The following CERS3 variants were observed in gnomAD, a reference collection of about 807,000 sequenced individuals.
CERS3 encodes LAG1 homolog, ceramide synthase 3.
CERS3 carries 33 observed loss-of-function variants against 50.3 expected under a neutral mutation model. That is an observed-to-expected ratio of 0.66 (90% CI 0.50 to 0.88). The LOEUF (loss-of-function observed/expected upper bound fraction) is 0.88. CERS3 is among the 40% of genes least tolerant of loss of function. The probability of loss-of-function intolerance (pLI) is 0.00; values close to 1 mark genes in which losing one functional copy is unlikely to be tolerated. For missense variants in CERS3, 470 were observed against 460.3 expected (o/e 1.02, Z -0.19); for synonymous variants, 176 against 155.2 (o/e 1.13, Z -0.99).
At chr15:100,467,015 G>A (rs554339564) in intron 10 of CERS3, among the ~76,000 whole-genome samples, 17 of 151,480 alleles carry the variant, frequency 1.1e-4, no homozygotes, top group African/African-American at 2.9e-4. Flanking sequence ...CACCACACCC[G>A]GCTAATTTTT....
chr15:100,464,303 C>G (rs1235713107), intron 10 of CERS3, among the ~76,000 whole-genome samples: 16 of 152,224 alleles, frequency 1.1e-4, no homozygotes, highest in Admixed American at 1.0e-3. Context: ...CCACATGAAA[C>G]AGGGTTAGAC....
chr15:100,527,894 C>A (rs1293584688), intron 1 of CERS3, among the ~76,000 whole-genome samples: 1 of 117,952 alleles, frequency 8.5e-6, no homozygotes, highest in Non-Finnish European at 1.9e-5. Flanking sequence ...AACTTTTTAT[C>A]CAGAAATTCT....
rs760594142 is a variant in CERS3, at chr15:100,483,787, A to ATTATT, written c.407+762_407+763insAATAA. Among the ~76,000 whole-genome samples, 134 of 100,014 alleles carry ATTATT rather than the reference A, an allele frequency of 1.3e-3. 4 individuals are homozygous for ATTATT. Among genetic ancestry groups the ATTATT allele is most frequent in the African/African-American group, 5.0e-3 (131 of 26,122 alleles). 65.6% of individuals were successfully genotyped at this position (100,014 alleles called of 152,430 possible). On this transcript the variant is annotated intron_variant, in intron 5 of 11. Coordinates refer to ENST00000679737, the MANE Select transcript of CERS3 (RefSeq NM_001378789.1). ...AATAATAATAATAATTATTATTATTATTTTTTTTTTTGAGACAGAGTCTTG... is the reference window on the plus strand; with the variant it reads ...AATAATAATAATAATTATTATTATTATTATTTTTTTTTTTTTGAGACAGAGTCTTG...
intron 11 of CERS3, among the ~76,000 whole-genome samples, chr15:100,447,135 A>T (rs895120164): frequency 2.0e-5 from 3 of 152,136 alleles, no homozygotes; most frequent in Non-Finnish European, 4.4e-5. Context: ...GATCCAGGAG[A>T]GAATGAATTA....
chr15:100,533,024 C>T (rs11247220), upstream of CERS3, among the ~76,000 whole-genome samples: 3 of 151,718 alleles, frequency 2.0e-5, no homozygotes, highest in African/African-American at 4.8e-5. Context: ...TTCCCTTCCC[C>T]GCTCCACTCC....
intron 11 of CERS3, among the ~76,000 whole-genome samples, chr15:100,445,675 C>A (rs1322246241): frequency 6.6e-6 from 1 of 152,194 alleles, no homozygotes. Flanking sequence ...CGCCCCTAAT[C>A]CCACTCGAAG....
chr15:100,447,201 C>T lies in CERS3; in HGVS notation c.999+8692G>A, dbSNP rs932635433. ...AGCACTGAAGTCAGCTACCTGGAGGCTCATCAGCATAATAAAACCTTGGTC... is the reference window on the plus strand; with the variant it reads ...AGCACTGAAGTCAGCTACCTGGAGGTTCATCAGCATAATAAAACCTTGGTC... On this transcript the variant is annotated intron_variant, in intron 11 of 11. Transcript: ENST00000679737. Among the ~76,000 whole-genome samples the T allele has an allele frequency of 5.9e-5, 9 of 152,250 alleles. No homozygotes were observed. The East Asian group carries it at 1.5e-3, about 26-fold the overall frequency.
intron 10 of CERS3, among the ~76,000 whole-genome samples, chr15:100,456,740 A>T (rs951099595): frequency 6.6e-6 from 1 of 152,168 alleles, no homozygotes; most frequent in Non-Finnish European, 1.5e-5. Context: ...TGAGGTCAGG[A>T]GTTTGAGACC....
intron 9 of CERS3, among the ~76,000 whole-genome samples, chr15:100,469,760 C>A (rs1211810301): frequency 6.6e-6 from 1 of 152,070 alleles, no homozygotes. Context: ...CCTGTAATAC[C>A]ACTCGTGTCT....
intron 4 of CERS3, among the ~76,000 whole-genome samples, chr15:100,489,192 T>C (rs2035578552): frequency 6.6e-6 from 1 of 152,228 alleles, no homozygotes; most frequent in South Asian, 2.1e-4. Context: ...CTTTAAAATA[T>C]ATTTTTAACA....
intron 11 of CERS3, among the ~76,000 whole-genome samples, chr15:100,427,614 C>T (rs2032893761): frequency 6.6e-6 from 1 of 152,200 alleles, no homozygotes; most frequent in South Asian, 2.1e-4. Context: ...AGGCCCACCT[C>T]AGTTTACCCT....
In CERS3 at chr15:100,402,009, G is replaced by A. The variant is rs1021479157; in HGVS notation, c.*704C>T. 6.6e-6 allele frequency: 1 copy of A among 152,218 alleles called. No homozygotes were observed. Among genetic ancestry groups the A allele is most frequent in the Non-Finnish European group, 1.5e-5 (1 of 68,048 alleles). 9.4% of individuals were successfully genotyped at this position (152,218 alleles called of 1,614,324 possible). On this transcript the variant is annotated 3_prime_UTR_variant, in exon 12 of 12. Transcript: ENST00000679737. Reference sequence around the variant, plus strand: ...TCCAGGTATCTCCAGAGTCATTTAAGAGGAATTTTTAAAGATTCTGCCTTT... The same window carrying A: ...TCCAGGTATCTCCAGAGTCATTTAAAAGGAATTTTTAAAGATTCTGCCTTT...
At chr15:100,472,727 T>C (rs2035007704) in intron 9 of CERS3, among the ~76,000 whole-genome samples, 197 bp downstream of exon 9, 1 of 152,172 alleles carries the variant, frequency 6.6e-6, no homozygotes, top group Non-Finnish European at 1.5e-5. Flanking sequence ...TCTAGTACCA[T>C]GGAGAAGGAT....
chr15:100,519,150 C>T (rs1596803992), intron 2 of CERS3, among the ~76,000 whole-genome samples: 1 of 129,730 alleles, frequency 7.7e-6, no homozygotes, highest in East Asian at 2.2e-4. Flanking sequence ...CAGAGAGAGA[C>T]TCCATCTCAA....
intron 2 of CERS3, 112 bp from the exon 3 acceptor site, chr15:100,501,962 A>G (rs1438853234): frequency 2.6e-6 from 3 of 1,150,154 alleles, no homozygotes; most frequent in Non-Finnish European, 3.7e-6. Context: ...AAATAAGGCA[A>G]GAGGCCTAGC....
chr15:100,522,237 A>G (rs2036660712), intron 1 of CERS3, among the ~76,000 whole-genome samples: 1 of 152,212 alleles, frequency 6.6e-6, no homozygotes, highest in African/African-American at 2.4e-5. Flanking sequence ...ATGGGTTTTC[A>G]AAGGACCAGT....
Position 100,485,271 on chromosome 15 carries a change from T to A in CERS3, c.289-603A>T, listed in dbSNP as rs146143387. Among the ~76,000 whole-genome samples, 808 of 152,324 alleles carry A rather than the reference T, an allele frequency of 5.3e-3. 4 individuals are homozygous for A. Among genetic ancestry groups the A allele is most frequent in the Admixed American group, 8.2e-3 (126 of 15,300 alleles). On this transcript the variant is annotated intron_variant, in intron 4 of 11. Coordinates refer to ENST00000679737, the MANE Select transcript of CERS3 (RefSeq NM_001378789.1). ...TCAAACTAATCCAAAATAATTTCAA[T>A]AACAAAAATAACAATTGCAAAATAT...
At chr15:100,408,856 T>G (rs1175049557) in intron 11 of CERS3, 1 of 152,186 alleles carries the variant, frequency 6.6e-6, no homozygotes, top group Non-Finnish European at 1.5e-5. Context: ...ATCAACAACA[T>G]TTCCTCCTCA....
rs1306151527 is a variant in CERS3 at position 100,490,119 on chromosome 15, T to C, written c.288+698A>G. 2.0e-5 allele frequency among the ~76,000 whole-genome samples: 3 copies of C among 152,376 alleles called. 1 individual carries two copies. The East Asian group carries it at 5.8e-4, about 29-fold the overall frequency. On this transcript the variant is annotated intron_variant, in intron 4 of 11. Transcript: ENST00000679737. ...TTTTGGAGAAGTTTTGTTTCATCTG[T>C]CATTTTAACTGTGGAAATATAACAA...
Sources: allele counts gnomAD v4.1 joint callset (sites outside exome capture counted in the v4.1 genomes callset), GRCh38; gene constraint gnomAD v4.1.1; transcripts MANE v1.5; gene names NCBI Gene and HGNC (gene_info 2026-07-23, HGNC 2026-07-21).